Variants in SDCCAG8 observed in about 807,000 individuals in gnomAD.
SDCCAG8 encodes serologically defined colon cancer antigen 8.
In SDCCAG8, 74 loss-of-function variants were observed where a neutral mutation model predicts 101.8. That is an observed-to-expected ratio of 0.73 (90% CI 0.60 to 0.88). The LOEUF (loss-of-function observed/expected upper bound fraction) is 0.88. Ranked by LOEUF, SDCCAG8 falls within the 40% of genes least tolerant of loss-of-function variation. The pLI, the probability that SDCCAG8 is intolerant of heterozygous loss-of-function variation, is 0.00. For synonymous variants in SDCCAG8, 281 were observed against 292.9 expected (o/e 0.96, Z 0.41); for missense variants, 787 against 822.6 (o/e 0.96, Z 0.53).
chr1:243,412,098 C>G (rs1177031931), intron 13 of SDCCAG8, among the ~76,000 whole-genome samples: 2 of 152,114 alleles, frequency 1.3e-5, no homozygotes. Flanking sequence ...GAACTCCCTG[C>G]TAGGGGCAAG....
At chr1:243,301,273 C>T (rs998395447) in intron 6 of SDCCAG8, among the ~76,000 whole-genome samples, 1 of 152,172 alleles carries the variant, frequency 6.6e-6, no homozygotes, top group Non-Finnish European at 1.5e-5. Context: ...CTGCTTAAAA[C>T]ATCATGTGAC....
At chr1:243,462,591 A>G (rs1470309910) in intron 16 of SDCCAG8, among the ~76,000 whole-genome samples, 1 of 152,264 alleles carries the variant, frequency 6.6e-6, no homozygotes, top group African/African-American at 2.4e-5. Flanking sequence ...GTAGGTGCTC[A>G]GAAAATATTT....
At chr1:243,331,316 C>T (rs1355107474) in intron 10 of SDCCAG8, among the ~76,000 whole-genome samples, 5 of 152,208 alleles carry the variant, frequency 3.3e-5, no homozygotes, top group Non-Finnish European at 5.9e-5. Context: ...GCTAACTAGA[C>T]TCGAATTGAG....
At chr1:243,493,237 G>A (rs1360620699) in intron 17 of SDCCAG8, among the ~76,000 whole-genome samples, 15 of 138,174 alleles carry the variant, frequency 1.1e-4, no homozygotes, top group Non-Finnish European at 4.8e-5. Flanking sequence ...GGTGGGGGGA[G>A]GGGGATTCGG....
intron 6 of SDCCAG8, among the ~76,000 whole-genome samples, chr1:243,297,783 T>A (rs1266981755): frequency 6.6e-6 from 1 of 152,204 alleles, no homozygotes; most frequent in Admixed American, 6.5e-5. Context: ...TATTAAGGTA[T>A]GTATCTGACA....
chr1:243,281,646 C>G (rs1464768402), intron 4 of SDCCAG8, among the ~76,000 whole-genome samples: 1 of 127,716 alleles, frequency 7.8e-6, no homozygotes, highest in East Asian at 2.7e-4. Flanking sequence ...TCTGCCTTCT[C>G]TGGCTTTTTT....
chr1:243,390,774 T>C (rs1425408148), intron 13 of SDCCAG8, among the ~76,000 whole-genome samples: 1 of 151,988 alleles, frequency 6.6e-6, no homozygotes, highest in Non-Finnish European at 1.5e-5. Flanking sequence ...ACAATGAGCA[T>C]CAGGTTCAAT....
At chr1:243,322,465 A>T (rs985785390) in intron 9 of SDCCAG8, among the ~76,000 whole-genome samples, 3 of 152,236 alleles carry the variant, frequency 2.0e-5, no homozygotes, top group African/African-American at 7.2e-5. Context: ...CCCATTGCAC[A>T]TGCCTGGACT....
At chr1:243,363,989 A>G (rs1332165891) in intron 12 of SDCCAG8, among the ~76,000 whole-genome samples, 1 of 152,194 alleles carries the variant, frequency 6.6e-6, no homozygotes, top group Non-Finnish European at 1.5e-5. Flanking sequence ...CAAGTTCAAT[A>G]AATTCTTAAG....
intron 9 of SDCCAG8, among the ~76,000 whole-genome samples, chr1:243,317,521 A>G (rs1369263147): frequency 2.0e-5 from 3 of 152,058 alleles, no homozygotes; most frequent in African/African-American, 4.8e-5. Flanking sequence ...GTGTTTCACC[A>G]TGTTAGCCAG....
At chr1:243,317,265 GT>G in intron 9 of SDCCAG8, among the ~76,000 whole-genome samples, 1 of 150,952 alleles carries the variant, frequency 6.6e-6, no homozygotes, top group Non-Finnish European at 1.5e-5. Context: ...TAATTGGGAA[GT>G]TTTGAGAAAA....
chr1:243,423,211 A>C (rs1206764546), intron 15 of SDCCAG8, among the ~76,000 whole-genome samples: 1 of 152,180 alleles, frequency 6.6e-6, no homozygotes, highest in Non-Finnish European at 1.5e-5. Flanking sequence ...TGTACTTTAT[A>C]AATAACATTT....
chr1:243,288,784 G>A (rs2069895183), intron 5 of SDCCAG8, among the ~76,000 whole-genome samples: 1 of 152,076 alleles, frequency 6.6e-6, no homozygotes. Context: ...CAAGGTGGGT[G>A]GATCACGAGG....
chr1:243,266,619 C>T (rs1345231476), intron 1 of SDCCAG8, among the ~76,000 whole-genome samples: 1 of 151,804 alleles, frequency 6.6e-6, no homozygotes, highest in Non-Finnish European at 1.5e-5. Flanking sequence ...TGTGCCTGGA[C>T]TAAAATTTTT....
At chr1:243,313,639 A>G (rs375494266) in intron 8 of SDCCAG8, among the ~76,000 whole-genome samples, 4 of 152,168 alleles carry the variant, frequency 2.6e-5, no homozygotes, top group Non-Finnish European at 4.4e-5. Context: ...ACACATTCAC[A>G]TGGTGTTTCC....
intron 1 of SDCCAG8, among the ~76,000 whole-genome samples, chr1:243,256,692 T>C (rs1357010382): frequency 6.6e-6 from 1 of 152,258 alleles, no homozygotes; most frequent in African/African-American, 2.4e-5. Context: ...TTAATTGATT[T>C]AGGCTATTTA....
At chr1:243,462,130 G>A (rs1659238096) in intron 16 of SDCCAG8, among the ~76,000 whole-genome samples, 1 of 152,196 alleles carries the variant, frequency 6.6e-6, no homozygotes, top group South Asian at 2.1e-4. Flanking sequence ...CAGAGGGAAT[G>A]AAGGGGGCTG....
At chr1:243,407,040 GT>G (rs369811591) in intron 13 of SDCCAG8, among the ~76,000 whole-genome samples, 6 of 152,016 alleles carry the variant, frequency 3.9e-5, no homozygotes, top group African/African-American at 1.2e-4. Context: ...ACCATGAGTT[GT>G]TTTTTTCCCC....
At chr1:243,430,628 C>T (rs146372106) in intron 16 of SDCCAG8, among the ~76,000 whole-genome samples, 4,373 of 151,482 alleles carry the variant, frequency 0.029, 99 homozygotes, top group Middle Eastern at 0.078. Context: ...TTAGTAGAGA[C>T]GGGGTTTCAC....
Sources: allele counts gnomAD v4.1 joint callset (sites outside exome capture counted in the v4.1 genomes callset), GRCh38; gene constraint gnomAD v4.1.1; transcripts MANE v1.5; gene names NCBI Gene and HGNC (gene_info 2026-07-23, HGNC 2026-07-21).